Variants in RAD51B observed in about 807,000 individuals in gnomAD.
RAD51B encodes the protein DNA repair protein RAD51 homolog 2.
A neutral mutation model predicts 42.2 loss-of-function variants in RAD51B; 38 were observed. That is an observed-to-expected ratio of 0.90 (90% confidence interval 0.70 to 1.18). The LOEUF is 1.18. Among genes scored for constraint, RAD51B ranks in the 50% most tolerant of loss-of-function variants. The probability of loss-of-function intolerance (pLI) is 0.00; values close to 1 mark genes in which losing one functional copy is unlikely to be tolerated. For synonymous variants in RAD51B, 154 were observed against 145.2 expected, an observed-to-expected ratio of 1.06 and a Z score of -0.43; for missense variants, 373 against 400.7, an observed-to-expected ratio of 0.93 and a Z score of 0.59.
intron 10 of RAD51B, among the ~76,000 whole-genome samples, chr14:68,514,377 C>A (rs1459103154): frequency 6.6e-6 from 1 of 152,148 alleles, no homozygotes; most frequent in African/African-American, 2.4e-5. Context: ...AAGGGTTTGA[C>A]CATGGCTAGT....
At chr14:68,540,582 C>G (rs1047023041) in intron 10 of RAD51B, 7 of 985,204 alleles carry the variant, frequency 7.1e-6, no homozygotes, top group Non-Finnish European at 7.2e-6. Context: ...TAGCGTGGTT[C>G]TAGGTGCTGT....
chr14:68,126,676 C>G (rs2140656904), intron 7 of RAD51B, among the ~76,000 whole-genome samples: 1 of 152,280 alleles, frequency 6.6e-6, no homozygotes, highest in South Asian at 2.1e-4. Flanking sequence ...GCTTGTTTTC[C>G]AATCAAAATG....
intron 7 of RAD51B, among the ~76,000 whole-genome samples, chr14:68,001,960 G>A (rs2075492972): frequency 1.3e-5 from 2 of 152,140 alleles, no homozygotes; most frequent in Non-Finnish European, 2.9e-5. Context: ...TGGACATTTA[G>A]GTTGATTCCA....
chr14:68,072,094 T>TAATATATAA (rs1189769100), intron 7 of RAD51B, among the ~76,000 whole-genome samples: 1 of 133,140 alleles, frequency 7.5e-6, no homozygotes, highest in East Asian at 2.0e-4. Context: ...TATAAATATA[T>TAATATATAA]AATATATAAA....
At chr14:68,181,198 C>G (rs1319251091) in intron 7 of RAD51B, among the ~76,000 whole-genome samples, 1 of 152,204 alleles carries the variant, frequency 6.6e-6, no homozygotes, top group African/African-American at 2.4e-5. Context: ...GGTGTATTTA[C>G]AAAGATGAGC....
At chr14:68,492,471 C>T (rs1361614350) in intron 10 of RAD51B, among the ~76,000 whole-genome samples, 1 of 152,184 alleles carries the variant, frequency 6.6e-6, no homozygotes, top group African/African-American at 2.4e-5. Context: ...CAGGATATAA[C>T]ATCAATAAAA....
chr14:68,514,364 T>C (rs1885975536), intron 10 of RAD51B, among the ~76,000 whole-genome samples: 1 of 152,186 alleles, frequency 6.6e-6, no homozygotes, highest in Non-Finnish European at 1.5e-5. Context: ...TTTGGCCATT[T>C]TGAAGGGTTT....
At chr14:68,271,467 A>G (rs2081102664) in intron 7 of RAD51B, among the ~76,000 whole-genome samples, 1 of 152,200 alleles carries the variant, frequency 6.6e-6, no homozygotes, top group African/African-American at 2.4e-5. Flanking sequence ...TCTCATCTAT[A>G]AAATGAATAT....
chr14:68,311,012 G>C (rs1216186617), intron 8 of RAD51B, among the ~76,000 whole-genome samples: 1 of 152,134 alleles, frequency 6.6e-6, no homozygotes, highest in Non-Finnish European at 1.5e-5. Context: ...GTTTTTGTGA[G>C]TGGAGGGATG....
At chr14:68,013,973 G>C (rs1474368732) in intron 7 of RAD51B, among the ~76,000 whole-genome samples, 1 of 152,024 alleles carries the variant, frequency 6.6e-6, no homozygotes, top group African/African-American at 2.4e-5. Flanking sequence ...GACCAAACTT[G>C]ATTTATAAAT....
chr14:67,999,711 G>T (rs1405377257), intron 7 of RAD51B, among the ~76,000 whole-genome samples: 1 of 152,192 alleles, frequency 6.6e-6, no homozygotes, highest in African/African-American at 2.4e-5. Flanking sequence ...GCATATCATA[G>T]AGGTTCATTA....
chr14:68,226,255 C>T (rs1424832195), intron 7 of RAD51B, among the ~76,000 whole-genome samples: 1 of 152,130 alleles, frequency 6.6e-6, no homozygotes, highest in African/African-American at 2.4e-5. Context: ...GGGAGCCAAC[C>T]TAAATGGCTC....
intron 8 of RAD51B, among the ~76,000 whole-genome samples, chr14:68,327,369 GTTTTTTTTTGTTGT>G (rs1230828632): frequency 8.0e-4 from 62 of 77,100 alleles, no homozygotes; most frequent in Admixed American, 9.4e-4. Context: ...TCTTCAGTTT[GTTTTTTTTTGTTGT>G]TTTTTTTTTT....
intron 7 of RAD51B, among the ~76,000 whole-genome samples, chr14:67,928,696 G>A (rs1275805792): frequency 6.6e-6 from 1 of 152,078 alleles, no homozygotes; most frequent in African/African-American, 2.4e-5. Flanking sequence ...CTAATCGCCA[G>A]AATTTGCATA....
intron 7 of RAD51B, among the ~76,000 whole-genome samples, chr14:68,123,638 T>C (rs1192317161): frequency 6.6e-6 from 1 of 152,030 alleles, no homozygotes; most frequent in Non-Finnish European, 1.5e-5. Flanking sequence ...TGAAACCCCA[T>C]CTCTACTAAA....
intron 7 of RAD51B, among the ~76,000 whole-genome samples, chr14:68,228,642 G>T (rs1295256812): frequency 6.6e-6 from 1 of 152,088 alleles, no homozygotes; most frequent in African/African-American, 2.4e-5. Context: ...TGTGTTGAAT[G>T]ACATGAATGA....
In RAD51B at chr14:68,403,601, C is replaced by T. The variant is rs535871469; in HGVS notation, c.854-7823C>T. On this transcript the variant is annotated intron_variant, in intron 8 of 10. Coordinates refer to ENST00000471583, the MANE Select transcript of RAD51B (RefSeq NM_133510.4). ...CTCCTCCAGTCTGATTGCACGAGGG[C>T]TACACCCCATGTATACAGAGCAGAG... Among the ~76,000 whole-genome samples the T allele has an allele frequency of 2.6e-5, 4 of 152,308 alleles. No homozygotes were observed. The South Asian group carries it at 6.2e-4, about 24-fold the overall frequency.
chr14:68,485,523 G>A (rs1883554456), intron 10 of RAD51B, among the ~76,000 whole-genome samples: 1 of 152,082 alleles, frequency 6.6e-6, no homozygotes. Flanking sequence ...AGTCTTTGGA[G>A]TTACTTCCTT....
intron 7 of RAD51B, among the ~76,000 whole-genome samples, chr14:68,151,996 A>C (rs923640120): frequency 6.6e-6 from 1 of 151,650 alleles, no homozygotes. Context: ...GGCATGCGCC[A>C]CCATGCCTGG....
Sources: allele counts gnomAD v4.1 joint callset (sites outside exome capture counted in the v4.1 genomes callset), GRCh38; gene constraint gnomAD v4.1.1; transcripts MANE v1.5; gene names NCBI Gene and HGNC (gene_info 2026-07-23, HGNC 2026-07-21).